Variants in NAV2 observed in about 807,000 individuals in gnomAD.
NAV2 encodes neuron navigator 2.
Under a neutral mutation model 223.2 loss-of-function variants are expected in NAV2, and 54 were observed. The observed-to-expected ratio is 0.24, with a 90% CI of 0.19 to 0.30. The LOEUF is 0.30. Among genes scored for constraint, NAV2 ranks in the 10% least tolerant of loss-of-function variants. The pLI, the probability that NAV2 is intolerant of heterozygous loss-of-function variation, is 1.00. For missense variants in NAV2, 2,806 were observed against 3,147.5 expected, an observed-to-expected ratio of 0.89 and a Z score of 2.60; for synonymous variants, 1,279 against 1,239.3, an observed-to-expected ratio of 1.03 and a Z score of -0.67.
intron 11 of NAV2, among the ~76,000 whole-genome samples, chr11:20,021,852 C>A (rs1300159247): frequency 6.6e-6 from 1 of 152,262 alleles, no homozygotes; most frequent in East Asian, 1.9e-4. Flanking sequence ...ACCCTCCTCT[C>A]CTCTTTGAGC....
intron 6 of NAV2, among the ~76,000 whole-genome samples, chr11:19,919,087 CGTT>C (rs1385170819): frequency 1.3e-5 from 2 of 152,034 alleles, no homozygotes; most frequent in Non-Finnish European, 2.9e-5. Flanking sequence ...AAACATGCAA[CGTT>C]GTGGTTATTT....
chr11:19,395,622 C>T (rs950044286), intron 1 of NAV2, among the ~76,000 whole-genome samples: 15 of 152,180 alleles, frequency 9.9e-5, no homozygotes, highest in East Asian at 3.9e-4. Context: ...AGGAAGCCCT[C>T]GGAGTGGACA....
chr11:19,537,829 A>T (rs1446077252), intron 1 of NAV2, among the ~76,000 whole-genome samples: 1 of 152,198 alleles, frequency 6.6e-6, no homozygotes, highest in Non-Finnish European at 1.5e-5. Flanking sequence ...AATGTTTTTA[A>T]GTCTCAGTTT....
chr11:19,976,299 G>A lies in NAV2; in HGVS notation c.2646-7826G>A, dbSNP rs114184141. Among the ~76,000 whole-genome samples, 1,468 of 152,218 alleles carry A rather than the reference G, an allele frequency of 9.6e-3. 19 individuals are homozygous for A. Among genetic ancestry groups the A allele is most frequent in the African/African-American group, 0.034 (1,405 of 41,530 alleles). On this transcript the variant is annotated intron_variant, in intron 10 of 37. Transcript: ENST00000349880. ...TGTTGAAACTACTGCTCCATGGCCC[G>A]TATTTCAAGCAGCAGGTAGATGGAG...
intron 1 of NAV2, among the ~76,000 whole-genome samples, chr11:19,761,708 G>C (rs1046979226): frequency 6.6e-6 from 1 of 152,196 alleles, no homozygotes; most frequent in Non-Finnish European, 1.5e-5. Flanking sequence ...GGGAGGAAGG[G>C]ATGTCTAGAA....
chr11:19,909,957 G>A, intron 6 of NAV2, among the ~76,000 whole-genome samples: 1 of 152,106 alleles, frequency 6.6e-6, no homozygotes, highest in South Asian at 2.1e-4. Context: ...ACTGTGAATA[G>A]ACAGGGGGCA....
chr11:19,648,663 C>T (rs767070841), intron 1 of NAV2, among the ~76,000 whole-genome samples: 2 of 152,072 alleles, frequency 1.3e-5, no homozygotes, highest in Non-Finnish European at 2.9e-5. Flanking sequence ...TGATGGGGCC[C>T]CCTGAGAGAT....
intron 1 of NAV2, among the ~76,000 whole-genome samples, chr11:19,634,478 C>G (rs2047435015): frequency 6.6e-6 from 1 of 152,154 alleles, no homozygotes; most frequent in African/African-American, 2.4e-5. Flanking sequence ...ACATGTACCT[C>G]CAAACCTAAA....
chr11:20,036,205 A>G, intron 12 of NAV2, 108 bp downstream of exon 12: 5 of 1,312,356 alleles, frequency 3.8e-6, no homozygotes, highest in Non-Finnish European at 5.4e-6. Context: ...CTCCAGGTTG[A>G]TGAGATGAGG....
intron 1 of NAV2, among the ~76,000 whole-genome samples, chr11:19,509,585 A>T (rs2043214923): frequency 6.6e-6 from 1 of 152,174 alleles, no homozygotes; most frequent in South Asian, 2.1e-4. Flanking sequence ...TCAACCCGAT[A>T]TTGCAAGATG....
chr11:19,785,647 C>CTTTTTTTTTTTTTT (rs3214722), intron 1 of NAV2, among the ~76,000 whole-genome samples: 7 of 141,854 alleles, frequency 4.9e-5, no homozygotes, highest in African/African-American at 1.0e-4. Flanking sequence ...CGTCAGCTGG[C>CTTTTTTTTTTTTTT]TTTTTTTTTT....
intron 1 of NAV2, among the ~76,000 whole-genome samples, chr11:19,655,852 C>G (rs988817505): frequency 2.6e-5 from 4 of 151,874 alleles, no homozygotes; most frequent in African/African-American, 7.3e-5. Context: ...TGTAACAAAC[C>G]TGCACGTTGT....
At chr11:19,849,747 G>A (rs1194021718) in intron 3 of NAV2, among the ~76,000 whole-genome samples, 1 of 152,182 alleles carries the variant, frequency 6.6e-6, no homozygotes, top group African/African-American at 2.4e-5. Flanking sequence ...ATGAAGAAAA[G>A]TCCATAGGCC....
chr11:19,370,124 G>T (rs1240768373), intron 1 of NAV2, among the ~76,000 whole-genome samples: 1 of 152,108 alleles, frequency 6.6e-6, no homozygotes, highest in Non-Finnish European at 1.5e-5. Context: ...TCCCTGATAC[G>T]CTCTTTCATT....
chr11:19,731,437 A>G (rs550918730), intron 1 of NAV2, among the ~76,000 whole-genome samples: 332 of 152,370 alleles, frequency 2.2e-3, no homozygotes, highest in African/African-American at 7.4e-3. Flanking sequence ...AATGAGAATG[A>G]GACAGATGTA....
intron 11 of NAV2, chr11:20,022,738 C>A (rs2054617380): frequency 9.3e-7 from 1 of 1,076,606 alleles, no homozygotes; most frequent in African/African-American, 1.6e-5. Context: ...TCAATTTGAC[C>A]CGCTGTTGCA....
At chr11:20,108,495 T>C (rs2062345235) in intron 36 of NAV2, among the ~76,000 whole-genome samples, 2 of 151,982 alleles carry the variant, frequency 1.3e-5, no homozygotes, top group African/African-American at 4.8e-5. Context: ...CAGACTGGAG[T>C]ACAGTGGCAC....
chr11:19,864,652 C>T (rs1343711920), intron 3 of NAV2, among the ~76,000 whole-genome samples: 2 of 152,088 alleles, frequency 1.3e-5, no homozygotes, highest in African/African-American at 2.4e-5. Context: ...TGGAAGTTGC[C>T]CTGCAAGTCT....
At chr11:19,380,342 TA>T (rs371968555) in intron 1 of NAV2, 42 of 152,356 alleles carry the variant, frequency 2.8e-4, no homozygotes, top group African/African-American at 9.6e-4. Flanking sequence ...CCTGTGGTTC[TA>T]AAAGTCTGGA....
Sources: allele counts gnomAD v4.1 joint callset (sites outside exome capture counted in the v4.1 genomes callset), GRCh38; gene constraint gnomAD v4.1.1; transcripts MANE v1.5; gene names NCBI Gene and HGNC (gene_info 2026-07-23, HGNC 2026-07-21).